Variants in RP1 observed in about 807,000 individuals in gnomAD.
RP1 encodes oxygen-regulated protein 1.
Under a neutral mutation model 14.8 loss-of-function variants are expected in RP1, and 16 were observed. That is an observed-to-expected ratio of 1.08 (90% confidence interval 0.73 to 1.65). The LOEUF (loss-of-function observed/expected upper bound fraction) is 1.65. Ranked by LOEUF, RP1 falls within the 40% of genes most tolerant of loss-of-function variation. RP1 has a pLI of 0.00. For missense variants in RP1, 2,631 were observed against 2,535.0 expected, an observed-to-expected ratio of 1.04 and a Z score of -0.81; for synonymous variants, 876 against 883.6, an observed-to-expected ratio of 0.99 and a Z score of 0.15.
intron 27 of RP1, among the ~76,000 whole-genome samples, chr8:54,857,469 T>C (rs1372186816): frequency 6.6e-6 from 1 of 150,588 alleles, no homozygotes; most frequent in Admixed American, 6.6e-5. Flanking sequence ...ACTAATTAAA[T>C]TATATAGTGA....
At chr8:54,672,139 T>A (rs1807194135) in intron 7 of RP1, among the ~76,000 whole-genome samples, 1 of 152,208 alleles carries the variant, frequency 6.6e-6, no homozygotes, top group Non-Finnish European at 1.5e-5. Context: ...TTGCCTTGTC[T>A]CTCTGCTGTA....
intron 3 of RP1, among the ~76,000 whole-genome samples, chr8:54,643,144 C>T (rs1355586459): frequency 6.6e-6 from 1 of 151,890 alleles, no homozygotes; most frequent in Non-Finnish European, 1.5e-5. Context: ...CAGTTTAAAA[C>T]AATTTTACCA....
At chr8:54,631,845 ATT>A (rs36032942), downstream of RP1, among the ~76,000 whole-genome samples, 2 of 146,052 alleles carry the variant, frequency 1.4e-5, no homozygotes, top group African/African-American at 2.5e-5. Flanking sequence ...AAGGGATAAG[ATT>A]TTTTTTTTTT....
chr8:54,643,852 A>G (rs1229606529), intron 3 of RP1, among the ~76,000 whole-genome samples: 1 of 152,062 alleles, frequency 6.6e-6, no homozygotes, highest in East Asian at 1.9e-4. Flanking sequence ...TTCTCTTCCT[A>G]TAAGGACACT....
At chr8:54,726,403 C>A in exon 17 of RP1, 5 of 1,534,256 alleles carry the variant, frequency 3.3e-6, no homozygotes, top group South Asian at 2.4e-5. Flanking sequence ...AAGAAAAGAT[C>A]CATGAGTCAA....
At chr8:54,852,586 AGAT>A (rs1812081126) in exon 26 of RP1, 3 of 1,231,658 alleles carry the variant, frequency 2.4e-6, no homozygotes, top group Admixed American at 4.2e-5. Flanking sequence ...GTGCTTTATG[AGAT>A]TCGCATATAC....
At chr8:54,751,947 G>C (rs903425400) in intron 19 of RP1, among the ~76,000 whole-genome samples, 6 of 152,146 alleles carry the variant, frequency 3.9e-5, no homozygotes, top group African/African-American at 1.4e-4. Context: ...TCTCTTATCA[G>C]TGGGCTCTTC....
downstream of RP1, among the ~76,000 whole-genome samples, chr8:54,771,960 A>G (rs2129375461): frequency 6.6e-6 from 1 of 152,138 alleles, no homozygotes; most frequent in Non-Finnish European, 1.5e-5. Context: ...GGGGGAAGAA[A>G]GTAGACCAAA....
intron 22 of RP1, among the ~76,000 whole-genome samples, chr8:54,762,431 C>T (rs930936149): frequency 1.3e-5 from 2 of 152,150 alleles, no homozygotes; most frequent in South Asian, 2.1e-4. Context: ...TGAACACCCA[C>T]GTCCTTATGG....
intron 17 of RP1, among the ~76,000 whole-genome samples, chr8:54,727,025 G>A (rs1005150770): frequency 6.6e-6 from 1 of 151,868 alleles, no homozygotes; most frequent in African/African-American, 2.4e-5. Context: ...AGTCATCTTT[G>A]GATAAGATGA....
At chr8:54,697,254 C>CA (rs1051750714) in intron 12 of RP1, 83 of 586,000 alleles carry the variant, frequency 1.4e-4, no homozygotes, top group Non-Finnish European at 1.9e-4. Context: ...AAGGAAGGGT[C>CA]AAAAAAAAGA....
At chr8:54,591,110 A>G (rs1805035371) in intron 1 of RP1, among the ~76,000 whole-genome samples, 1 of 152,212 alleles carries the variant, frequency 6.6e-6, no homozygotes, top group Non-Finnish European at 1.5e-5. Flanking sequence ...CCCAACTAGC[A>G]GAGCAGCAAG....
intron 19 of RP1, among the ~76,000 whole-genome samples, chr8:54,742,030 T>G (rs1809110588): frequency 1.3e-5 from 2 of 151,988 alleles, no homozygotes; most frequent in Admixed American, 1.3e-4. Flanking sequence ...CTGAGGTTCC[T>G]CAGTAAATGG....
At chr8:54,825,358 A>T (rs557553145) in intron 24 of RP1, among the ~76,000 whole-genome samples, 1 of 152,202 alleles carries the variant, frequency 6.6e-6, no homozygotes, top group Admixed American at 6.5e-5. Flanking sequence ...TATTCAATAC[A>T]GTGGTAAAAG....
chr8:54,824,667 A>G (rs1331921965), intron 24 of RP1, among the ~76,000 whole-genome samples: 1 of 152,236 alleles, frequency 6.6e-6, no homozygotes, highest in East Asian at 1.9e-4. Context: ...CCTTAACAAA[A>G]TATTACCAAA....
chr8:54,636,995 A>C (rs1278287327), intron 3 of RP1, among the ~76,000 whole-genome samples: 1 of 152,160 alleles, frequency 6.6e-6, no homozygotes, highest in Non-Finnish European at 1.5e-5. Context: ...CTGTTCACCT[A>C]TTAGTTTGCA....
rs994224266 is a variant in RP1 at position 54,659,765 on chromosome 8, T to G, written c.1171+3550T>G. 4.6e-5 allele frequency among the ~76,000 whole-genome samples: 7 copies of G among 152,186 alleles called. No homozygotes were observed. The East Asian group carries it at 1.3e-3, about 29-fold the overall frequency. On this transcript the variant is annotated intron_variant, in intron 6 of 22. Transcript: ENST00000636932. ...TTCCTATTTCTGTAAAAATTGCTGTTGAGATTTTGATAGGGACTGCATTTA... is the reference window on the plus strand; with the variant it reads ...TTCCTATTTCTGTAAAAATTGCTGTGGAGATTTTGATAGGGACTGCATTTA...
intron 6 of RP1, chr8:54,663,599 T>G: frequency 1.6e-6 from 2 of 1,220,598 alleles, no homozygotes; most frequent in Non-Finnish European, 1.1e-6. Context: ...ACTGGGGATC[T>G]TGGAACTTTT....
At position 54,806,593 on chromosome 8, in the gene RP1, A is replaced by G. The variant is rs531039558; in HGVS notation, c.3615+22883A>G. Reference sequence around the variant, plus strand: ...ATGAATGCAATTCATAAAGTTATATACCTTGCTACATGTGAACATAAGTGT... The same window carrying G: ...ATGAATGCAATTCATAAAGTTATATGCCTTGCTACATGTGAACATAAGTGT... On this transcript the variant is annotated intron_variant, in intron 24 of 28. Transcript: ENST00000637698. Among the ~76,000 whole-genome samples the G allele has an allele frequency of 2.6e-5, 4 of 152,290 alleles. No homozygotes were observed. The South Asian group carries it at 8.3e-4, about 32-fold the overall frequency.
Sources: gnomAD v4.1 joint callset for allele counts (sites outside exome capture counted in the v4.1 genomes callset) on GRCh38, gnomAD v4.1.1 for gene constraint, MANE v1.5 for transcripts, NCBI Gene and HGNC (gene_info 2026-07-23, HGNC 2026-07-21) for gene names.